CCDC7: variants seen among roughly 807,000 people sequenced by gnomAD.
CCDC7 encodes coiled-coil domain-containing protein 7.
Under a neutral mutation model 196.9 loss-of-function variants are expected in CCDC7, and 183 were observed. The observed-to-expected ratio is 0.93, with a 90% CI of 0.82 to 1.05. The LOEUF (loss-of-function observed/expected upper bound fraction) is 1.05, where lower values mean the gene tolerates loss of function less well. Ranked by LOEUF, CCDC7 falls within the 50% of genes least tolerant of loss-of-function variation. The pLI, the probability that CCDC7 is intolerant of heterozygous loss-of-function variation, is 0.00. For synonymous variants in CCDC7, 525 were observed against 484.6 expected (o/e 1.08, Z -1.10); for missense variants, 1,540 against 1,482.2 (o/e 1.04, Z -0.64).
rs1395168609 is a variant in CCDC7, at chr10:32,828,434, G to GGA, written c.3268+3831_3268+3832dup. ...GGAGAAGGAGAAGAAGAAGAAGGAA[G>GGA]GAAGGAGAAGAAGAAGAAGAAGAAG... On this transcript the variant is annotated intron_variant, in intron 32 of 41. Transcript: ENST00000639629. Among the ~76,000 whole-genome samples the GGA allele has an allele frequency of 8.3e-4, 55 of 65,920 alleles. 2 individuals carry two copies. The highest frequency in any genetic ancestry group is 2.0e-3 in the African/African-American group (48 of 24,346). The allele number at this position is 65,920 out of a possible 152,430, so 43.2% of individuals were successfully genotyped here.
intron 5 of CCDC7, among the ~76,000 whole-genome samples, 159 bp from the exon 7 acceptor site, chr10:32,470,905 A>G (rs2037812485): frequency 6.6e-6 from 1 of 152,108 alleles, no homozygotes; most frequent in African/African-American, 2.4e-5. Flanking sequence ...TTGCTCATAT[A>G]AATATATTTG....
intron 13 of CCDC7, among the ~76,000 whole-genome samples, chr10:32,551,766 TG>T (rs1178430597): frequency 6.6e-6 from 1 of 152,206 alleles, no homozygotes; most frequent in Non-Finnish European, 1.5e-5. Context: ...AGAGAGTGCT[TG>T]ATATACTGTC....
At chr10:32,588,890 G>C (rs1409741510) in intron 18 of CCDC7, among the ~76,000 whole-genome samples, 1 of 151,846 alleles carries the variant, frequency 6.6e-6, no homozygotes. Context: ...TGGGTACCTA[G>C]TTGGTGTATA....
intron 24 of CCDC7, among the ~76,000 whole-genome samples, chr10:32,708,203 C>G (rs565532976): frequency 6.2e-4 from 94 of 152,170 alleles, no homozygotes; most frequent in African/African-American, 1.7e-3. Context: ...ACAAACCTGA[C>G]AAAAACAAGA....
intron 8 of CCDC7, among the ~76,000 whole-genome samples, chr10:32,477,493 G>T (rs1007267222): frequency 6.6e-6 from 1 of 151,624 alleles, no homozygotes; most frequent in Non-Finnish European, 1.5e-5. Flanking sequence ...GAGCCACTGC[G>T]CCCAGCCCAT....
rs542818134 is a variant in CCDC7, at chr10:32,649,518, G to T, written c.2014+14360G>T. 1.6e-3 allele frequency among the ~76,000 whole-genome samples: 239 copies of T among 152,150 alleles called. 2 individuals carry two copies. The highest frequency in any genetic ancestry group is 4.2e-3 in the African/African-American group (175 of 41,512). Reference sequence around the variant, plus strand: ...GCCATAGGAATGATTATCTTATATCGTATCTGGCTGAAGTTCTCTGTATTT... The same window carrying T: ...GCCATAGGAATGATTATCTTATATCTTATCTGGCTGAAGTTCTCTGTATTT... On this transcript the variant is annotated intron_variant, in intron 20 of 41. Transcript: ENST00000639629.
At chr10:32,848,339 C>T (rs865848472) in intron 38 of CCDC7, among the ~76,000 whole-genome samples, 1 of 151,932 alleles carries the variant, frequency 6.6e-6, no homozygotes, top group Non-Finnish European at 1.5e-5. Context: ...TAGAAATGAA[C>T]ATTTGGTCAA....
At chr10:32,664,848 T>C (rs903399660) in intron 21 of CCDC7, among the ~76,000 whole-genome samples, 32 of 152,076 alleles carry the variant, frequency 2.1e-4, no homozygotes, top group African/African-American at 7.5e-4. Flanking sequence ...AAATTGTGGA[T>C]AATATTGTAG....
intron 16 of CCDC7, among the ~76,000 whole-genome samples, chr10:32,575,251 A>G (rs1310884810): frequency 6.6e-6 from 1 of 152,196 alleles, no homozygotes; most frequent in African/African-American, 2.4e-5. Context: ...AATTTTTATC[A>G]AAATAAATTT....
intron 32 of CCDC7, among the ~76,000 whole-genome samples, chr10:32,831,783 C>A (rs559497587): frequency 1.9e-4 from 29 of 152,272 alleles, no homozygotes; most frequent in African/African-American, 6.7e-4. Flanking sequence ...ATGCCTTCTT[C>A]TGGAATACGT....
chr10:32,737,361 A>G (rs2085035919), intron 28 of CCDC7, among the ~76,000 whole-genome samples: 1 of 152,106 alleles, frequency 6.6e-6, no homozygotes, highest in Non-Finnish European at 1.5e-5. Context: ...AGGGTAATAT[A>G]GTTTAAATGT....
intron 21 of CCDC7, among the ~76,000 whole-genome samples, chr10:32,666,725 G>A (rs1341394533): frequency 8.6e-5 from 13 of 151,686 alleles, no homozygotes; most frequent in South Asian, 2.1e-4. Context: ...TTATGGTTGC[G>A]TATTATTCCA....
chr10:32,749,081 T>C (rs1438071849), intron 28 of CCDC7, among the ~76,000 whole-genome samples: 3 of 152,240 alleles, frequency 2.0e-5, no homozygotes, highest in African/African-American at 7.2e-5. Flanking sequence ...TTTCTTATCC[T>C]GGTTAAAAAG....
At chr10:32,712,359 C>A (rs2080973968) in intron 25 of CCDC7, among the ~76,000 whole-genome samples, 1 of 152,134 alleles carries the variant, frequency 6.6e-6, no homozygotes, top group Non-Finnish European at 1.5e-5. Context: ...AGCACCATAG[C>A]CTTTACAGAT....
downstream of CCDC7, among the ~76,000 whole-genome samples, chr10:32,877,362 C>T (rs1001315674): frequency 1.6e-4 from 25 of 152,070 alleles, no homozygotes; most frequent in African/African-American, 6.0e-4. Context: ...ATATTAATAA[C>T]TCTGGTGAGG....
downstream of CCDC7, among the ~76,000 whole-genome samples, chr10:32,879,087 G>C (rs773189754): frequency 3.3e-5 from 5 of 151,970 alleles, no homozygotes; most frequent in Admixed American, 6.6e-5. Flanking sequence ...TGAGATACAT[G>C]TGTAGGATGT....
At chr10:32,565,933 A>T (rs1485276715) in intron 14 of CCDC7, among the ~76,000 whole-genome samples, 4 of 152,208 alleles carry the variant, frequency 2.6e-5, no homozygotes, top group Admixed American at 2.6e-4. Flanking sequence ...TTTCAAGCTG[A>T]TAAGCAATAT....
chr10:32,806,019 A>T (rs1425877788), intron 30 of CCDC7, among the ~76,000 whole-genome samples: 1 of 152,198 alleles, frequency 6.6e-6, no homozygotes. Context: ...ACTTTTGAAC[A>T]ACTGGATCTC....
chr10:32,845,898 A>C, exon 36 of CCDC7: 1 of 1,611,868 alleles, frequency 6.2e-7, no homozygotes, highest in Non-Finnish European at 8.5e-7. Context: ...AATTCTTGGC[A>C]GATGCTATTG....
Sources: allele counts gnomAD v4.1 joint callset (sites outside exome capture counted in the v4.1 genomes callset), GRCh38; gene constraint gnomAD v4.1.1; transcripts MANE v1.5; gene names NCBI Gene and HGNC (gene_info 2026-07-23, HGNC 2026-07-21).